Variants in RAB11FIP3 observed in about 807,000 individuals in gnomAD.
RAB11FIP3 encodes the protein rab11 family-interacting protein 3.
A neutral mutation model predicts 77.8 loss-of-function variants in RAB11FIP3; 17 were observed. The observed-to-expected ratio is 0.22, with a 90% confidence interval of 0.15 to 0.33. The LOEUF is 0.33. RAB11FIP3 is among the 10% of genes least tolerant of loss of function. The pLI is 1.00. For missense variants in RAB11FIP3, 1,005 were observed against 1,011.2 expected (o/e 0.99, Z 0.08); for synonymous variants, 437 against 448.2 (o/e 0.98, Z 0.31).
intron 1 of RAB11FIP3, among the ~76,000 whole-genome samples, chr16:446,362 G>T (rs2055317289): frequency 6.6e-6 from 1 of 152,196 alleles, no homozygotes; most frequent in Non-Finnish European, 1.5e-5. Context: ...GGGCACTGAG[G>T]CTTGTTTTAT....
chr16:426,157 C>T lies in RAB11FIP3; in HGVS notation c.151C>T (p.Gln51Ter). ...AGCGCCCGTCGGCGGCCCCGACCCG[C>T]AGTCCCCGGGCCTGGATGAGCCTGC... Reference protein sequence around the residue: ...LGAPVGGPDPQSPGLDEPAPG... With the variant: ...LGAPVGGPDP Residue 51 changes from glutamine (Q) to a stop codon, truncating the protein, a stop_gained, in exon 1 of 14, where the codon CAG becomes TAG. Coordinates refer to ENST00000262305, the MANE Select transcript of RAB11FIP3 (RefSeq NM_014700.4). LOFTEE classifies it high-confidence loss of function. This position sits in a 1 kb window ranked among gnomAD's most constrained non-coding sequence, Gnocchi z 5.0. 9.9e-7 allele frequency: 1 copy of T among 1,015,016 alleles called. No individual in the cohort carries two copies. The allele number at this position is 1,015,016 out of a possible 1,614,324, so 62.9% of individuals were successfully genotyped here. A position where few individuals can be genotyped will look rare whatever the true frequency, so the allele number is the denominator to read the frequency against.
chr16:510,488 T>C (rs2032089151), intron 8 of RAB11FIP3, 172 bp from the exon 9 acceptor site: 1 of 692,140 alleles, frequency 1.4e-6, no homozygotes. Flanking sequence ...CATCTGGGGG[T>C]GTATTCGCTG....
chr16:499,048 T>TA (rs936656943), intron 6 of RAB11FIP3, among the ~76,000 whole-genome samples: 6 of 151,802 alleles, frequency 4.0e-5, no homozygotes, highest in African/African-American at 7.3e-5. Context: ...CCATCTCTAC[T>TA]AAAAAAATAC....
At chr16:486,486 C>G (rs1163259645) in intron 4 of RAB11FIP3, among the ~76,000 whole-genome samples, 1 of 152,216 alleles carries the variant, frequency 6.6e-6, no homozygotes, top group African/African-American at 2.4e-5. Context: ...GAGCGAGACT[C>G]TATCTCAAAA....
intron 3 of RAB11FIP3, chr16:475,219 C>G: frequency 8.5e-6 from 10 of 1,174,690 alleles, no homozygotes; most frequent in Non-Finnish European, 1.1e-5. Flanking sequence ...ACTGATGGCC[C>G]TGAACGGGCT....
chr16:498,233 G>C (rs757025966), intron 6 of RAB11FIP3, among the ~76,000 whole-genome samples: 29 of 152,080 alleles, frequency 1.9e-4, no homozygotes, highest in Middle Eastern at 3.2e-3. Flanking sequence ...AAGTACCGTG[G>C]TGCAATCACA....
chr16:461,571 C>T lies in RAB11FIP3; in HGVS notation c.808+74C>T, dbSNP rs1305287017. Reference sequence around the variant, plus strand: ...CACCCTCTCAGCCACCTGCACATCACCAGGCTCCTCGTGCTGACTCTAACA... The same window carrying T: ...CACCCTCTCAGCCACCTGCACATCATCAGGCTCCTCGTGCTGACTCTAACA... On this transcript the variant is annotated intron_variant, in intron 2 of 13. Transcript: ENST00000262305. This position sits in a 1 kb window ranked among gnomAD's most constrained non-coding sequence, Gnocchi z 4.5. 1 of 1,246,126 alleles carries T rather than the reference C, an allele frequency of 8.0e-7. No individual in the cohort carries two copies. The highest frequency in any genetic ancestry group is 1.2e-6 in the Non-Finnish European group (1 of 852,778). The allele number at this position is 1,246,126 out of a possible 1,614,324, so 77.2% of individuals were successfully genotyped here. A position where few individuals can be genotyped will look rare whatever the true frequency, so the allele number is the denominator to read the frequency against.
At chr16:492,471 AGGCCGCCCAGGGCCCTCCCGGGAGACCCG>A in intron 5 of RAB11FIP3, among the ~76,000 whole-genome samples, 1 of 98,914 alleles carries the variant, frequency 1.0e-5, no homozygotes, top group Non-Finnish European at 2.1e-5. Flanking sequence ...GGGAGACCCG[AGGCCGCCCAGGGCCCTCCCGGGAGACCCG>A]AGGCCGCCCA....
chr16:466,967 G>A (rs1008792524), intron 2 of RAB11FIP3, among the ~76,000 whole-genome samples: 2 of 152,182 alleles, frequency 1.3e-5, no homozygotes, highest in Non-Finnish European at 2.9e-5. Context: ...CCGAGGGAGA[G>A]CACGGCTGGC....
chr16:522,583 T>G lies in RAB11FIP3; in HGVS notation c.*1744T>G. 6.6e-6 allele frequency: 1 copy of G among 152,234 alleles called. No homozygotes were observed. Among genetic ancestry groups the G allele is most frequent in the East Asian group, 1.9e-4 (1 of 5,184 alleles). The allele number at this position is 152,234 out of a possible 1,614,324, so 9.4% of individuals were successfully genotyped here. A position where few individuals can be genotyped will look rare whatever the true frequency, so the allele number is the denominator to read the frequency against. ...AAGGCGTCCGAGGCCATCAGTTGTCTGAGCTCAGAACCCAGCAGACCTGCC... is the reference window on the plus strand; with the variant it reads ...AAGGCGTCCGAGGCCATCAGTTGTCGGAGCTCAGAACCCAGCAGACCTGCC... On this transcript the variant is annotated 3_prime_UTR_variant, in exon 14 of 14. Coordinates refer to ENST00000262305, the MANE Select transcript of RAB11FIP3 (RefSeq NM_014700.4).
chr16:455,683 C>T (rs1234189581), intron 1 of RAB11FIP3, among the ~76,000 whole-genome samples: 1 of 152,046 alleles, frequency 6.6e-6, no homozygotes, highest in Non-Finnish European at 1.5e-5. Flanking sequence ...GCAGCCTCAA[C>T]CTCCCAGGCT....
At position 514,932 on chromosome 16, in the gene RAB11FIP3, C is replaced by T. The variant is rs1006128483; in HGVS notation, c.1641-4011C>T. Among the ~76,000 whole-genome samples, 13 of 152,312 alleles carry T rather than the reference C, an allele frequency of 8.5e-5. No homozygotes were observed. The highest frequency in any genetic ancestry group is 3.4e-3 in the Middle Eastern group (1 of 294). On this transcript the variant is annotated intron_variant, in intron 9 of 13. Transcript: ENST00000262305. The surrounding 1 kb of genome is among the most constrained non-coding windows in gnomAD (Gnocchi z 4.6). ...TGGTGTGTGGTGCTTTCTAGCAGCA[C>T]GTGAGCCAAGGAAGCCCAGGGAAGC...
In RAB11FIP3 at chr16:441,171, A is replaced by T. The variant is rs557816382; in HGVS notation, c.714+14451A>T. On this transcript the variant is annotated intron_variant, in intron 1 of 13. Transcript: ENST00000262305. ...TGGTCAGGCTGGTCTTGAACTTCTT[A>T]CCTCAGGTGATCCACCTGCCTCAGC... Among the ~76,000 whole-genome samples the T allele has an allele frequency of 5.1e-3, 776 of 151,970 alleles. 4 individuals are homozygous for T. Among genetic ancestry groups the T allele is most frequent in the Middle Eastern group, 0.027 (8 of 294 alleles).
rs1358947394 is a variant in RAB11FIP3, at chr16:447,295, AC to A, written c.715-14106del. ...ACTCTAGCCTGGGCAGTAGAGTAAG[AC>A]CCTGTCTCCAAAAAGGAAAAAAGAG... On this transcript the variant is annotated intron_variant, in intron 1 of 13. Transcript: ENST00000262305. Among the ~76,000 whole-genome samples the A allele has an allele frequency of 3.3e-5, 5 of 151,920 alleles. No individual in the cohort carries two copies. In the East Asian group the frequency reaches 5.9e-4, roughly 18 times the overall value.
intron 9 of RAB11FIP3, among the ~76,000 whole-genome samples, chr16:512,520 A>G (rs1181436478): frequency 9.2e-5 from 13 of 140,908 alleles, no homozygotes; most frequent in Admixed American, 7.1e-4. Context: ...GGTTACAGGC[A>G]TGAGCCATCG....
chr16:429,910 A>G (rs2055009173), intron 1 of RAB11FIP3, among the ~76,000 whole-genome samples: 1 of 152,166 alleles, frequency 6.6e-6, no homozygotes, highest in Non-Finnish European at 1.5e-5. Flanking sequence ...TGAATTTTTA[A>G]TAGAAGCAGC....
At chr16:487,559 C>T (rs539024573) in intron 4 of RAB11FIP3, among the ~76,000 whole-genome samples, 364 of 152,328 alleles carry the variant, frequency 2.4e-3, no homozygotes, top group Middle Eastern at 0.014. Flanking sequence ...GAGCAGAGCG[C>T]GCGGTCCTCC....
chr16:518,262 T>C (rs1339892917), intron 9 of RAB11FIP3, among the ~76,000 whole-genome samples: 6 of 152,210 alleles, frequency 3.9e-5, no homozygotes, highest in African/African-American at 1.2e-4. Context: ...TATTTTTTTA[T>C]AGAGATGGGG....
intron 1 of RAB11FIP3, among the ~76,000 whole-genome samples, chr16:450,031 CAA>C (rs1051618931): frequency 3.3e-5 from 5 of 152,298 alleles, no homozygotes; most frequent in African/African-American, 1.2e-4. Context: ...TGCCCACACT[CAA>C]GAGAGGGGGT....
Sources: allele counts gnomAD v4.1 joint callset (sites outside exome capture counted in the v4.1 genomes callset), GRCh38; gene constraint gnomAD v4.1.1; non-coding constraint Gnocchi (gnomAD v3.1); transcripts MANE v1.5; gene names NCBI Gene and HGNC (gene_info 2026-07-23, HGNC 2026-07-21).